Variants in SLC14A2 observed in about 807,000 individuals in gnomAD.
SLC14A2 encodes solute carrier family 14 member 2.
Under a neutral mutation model 104.6 loss-of-function variants are expected in SLC14A2, and 91 were observed. That is an observed-to-expected ratio of 0.87 (90% CI 0.73 to 1.04). The LOEUF (loss-of-function observed/expected upper bound fraction) is 1.04, where lower values mean the gene tolerates loss of function less well. SLC14A2 is among the 50% of genes least tolerant of loss of function. SLC14A2 has a pLI of 0.00. For missense variants in SLC14A2, 1,189 were observed against 1,156.0 expected (o/e 1.03, Z -0.41); for synonymous variants, 476 against 466.4 (o/e 1.02, Z -0.27).
At chr18:45,181,310 G>A in the SLC14A2 span, 1 of 152,122 alleles carries the variant, frequency 6.6e-6, no homozygotes. Flanking sequence ...CACTCTATGG[G>A]GTAACCTGCT....
chr18:45,591,477 G>A (rs1400769453), intron 2 of SLC14A2, among the ~76,000 whole-genome samples: 1 of 152,098 alleles, frequency 6.6e-6, no homozygotes, highest in Non-Finnish European at 1.5e-5. Context: ...TGGGATTACA[G>A]GTGCCCACCA....
At chr18:45,600,049 A>C (rs1250381966) in intron 2 of SLC14A2, among the ~76,000 whole-genome samples, 2 of 152,130 alleles carry the variant, frequency 1.3e-5, no homozygotes, top group African/African-American at 2.4e-5. Context: ...GTACTTGCTC[A>C]TCTGATCCCC....
chr18:45,650,533 G>T (rs1479287741), intron 10 of SLC14A2, among the ~76,000 whole-genome samples: 1 of 152,088 alleles, frequency 6.6e-6, no homozygotes, highest in Non-Finnish European at 1.5e-5. Flanking sequence ...AGAAGACATC[G>T]CATGAGAAAC....
intron 1 of SLC14A2, among the ~76,000 whole-genome samples, chr18:45,275,676 G>GA (rs1442774524): frequency 1.3e-5 from 2 of 152,140 alleles, no homozygotes; most frequent in African/African-American, 4.8e-5. Flanking sequence ...GACTTCCCCT[G>GA]AAAGTACTAT....
chr18:45,414,749 AAAAAAAAAAT>A (rs1362356958), intron 1 of SLC14A2, among the ~76,000 whole-genome samples: 10 of 61,006 alleles, frequency 1.6e-4, no homozygotes, highest in African/African-American at 7.6e-4. Context: ...GAGCGTAAAA[AAAAAAAAAAT>A]ATATATATAT....
At chr18:45,600,395 C>G (rs1382973889) in intron 2 of SLC14A2, among the ~76,000 whole-genome samples, 2 of 152,150 alleles carry the variant, frequency 1.3e-5, no homozygotes, top group Non-Finnish European at 2.9e-5. Flanking sequence ...CACCAGCCAT[C>G]AGACTGACCT....
At chr18:45,201,533 C>G in the SLC14A2 span, among the ~76,000 whole-genome samples, 1 of 145,182 alleles carries the variant, frequency 6.9e-6, no homozygotes, top group Admixed American at 7.3e-5. Flanking sequence ...TCTAACACCT[C>G]CATGTATGTA....
rs527722610 is a variant in SLC14A2 at position 45,568,196 on chromosome 18, C to T, written c.-34-56435C>T. On this transcript the variant is annotated intron_variant, in intron 2 of 20. Coordinates refer to the SLC14A2 transcript ENST00000586448. ...CCTGAGGGATCCTTCACTCCCACTG[C>T]CATCCCCAGCAGGCTTGTGCCTTGC... Among the ~76,000 whole-genome samples, 126 of 152,348 alleles carry T rather than the reference C, an allele frequency of 8.3e-4. 1 individual carries two copies. Among genetic ancestry groups the T allele is most frequent in the African/African-American group, 2.9e-3 (120 of 41,582 alleles).
At position 45,683,108 on chromosome 18, in the gene SLC14A2, G is replaced by A. The variant is rs7229969; in HGVS notation, c.*589G>A. The A allele has an allele frequency of 0.81, 116,674 of 143,240 alleles. 46,183 individuals are homozygous for A. Among genetic ancestry groups the A allele is most frequent in the Non-Finnish European group, 0.86 (57,033 of 66,346 alleles). The allele number at this position is 143,240 out of a possible 1,614,324, so 8.9% of individuals were successfully genotyped here. ...GACTCTGTCTCAAAAAAAAAAAAAA[G>A]GGGAAGTCACCAAGAAAGGGATAGA... is the stretch of plus-strand genomic sequence containing the variant. On this transcript the variant is annotated 3_prime_UTR_variant, in exon 20 of 20. Transcript: ENST00000255226.
chr18:45,616,408 T>A (rs2045073213), intron 1 of SLC14A2, among the ~76,000 whole-genome samples: 1 of 152,358 alleles, frequency 6.6e-6, no homozygotes, highest in South Asian at 2.1e-4. Flanking sequence ...TCCAGAAAAC[T>A]GTGCTTCTCA....
chr18:45,576,272 CTTTTT>C (rs776335445), intron 2 of SLC14A2, among the ~76,000 whole-genome samples: 3 of 90,682 alleles, frequency 3.3e-5, no homozygotes, highest in Non-Finnish European at 4.2e-5. Context: ...GGAGCAGGGG[CTTTTT>C]TTTTTTTTTT....
intron 2 of SLC14A2, among the ~76,000 whole-genome samples, chr18:45,530,703 TTTA>T (rs765537357): frequency 2.0e-5 from 3 of 152,096 alleles, no homozygotes; most frequent in Admixed American, 6.6e-5. Context: ...TTTCTATTTT[TTTA>T]TTATTATTAT....
chr18:45,555,885 G>C (rs1260065154), intron 2 of SLC14A2, among the ~76,000 whole-genome samples: 2 of 152,168 alleles, frequency 1.3e-5, no homozygotes, highest in Non-Finnish European at 2.9e-5. Flanking sequence ...GTGCCAGACT[G>C]CCTGCCCAAT....
intron 2 of SLC14A2, among the ~76,000 whole-genome samples, chr18:45,606,734 T>TA (rs781251287): frequency 2.3e-3 from 173 of 76,612 alleles, no homozygotes; most frequent in South Asian, 4.3e-3. Context: ...AAAGTCTAAT[T>TA]AAAAAAAAAA....
At chr18:45,448,710 G>A (rs571405205) in intron 1 of SLC14A2, among the ~76,000 whole-genome samples, 2 of 152,188 alleles carry the variant, frequency 1.3e-5, no homozygotes, top group South Asian at 2.1e-4. Context: ...TCTTCTCTGG[G>A]TGCATATCTC....
At chr18:45,655,590 A>G (rs1216061552) in intron 10 of SLC14A2, among the ~76,000 whole-genome samples, 1 of 151,736 alleles carries the variant, frequency 6.6e-6, no homozygotes, top group Non-Finnish European at 1.5e-5. Context: ...TGCTGGGATC[A>G]ATTAGCTACG....
intron 1 of SLC14A2, among the ~76,000 whole-genome samples, chr18:45,478,405 T>G (rs1032603512): frequency 6.6e-6 from 1 of 152,234 alleles, no homozygotes; most frequent in African/African-American, 2.4e-5. Flanking sequence ...CACTGAGAGC[T>G]GCAGACTGGA....
chr18:45,423,090 A>G (rs547473004), intron 1 of SLC14A2, among the ~76,000 whole-genome samples: 3 of 152,284 alleles, frequency 2.0e-5, no homozygotes, highest in African/African-American at 7.2e-5. Context: ...AAAAACAGTA[A>G]TTGATGGTAT....
At chr18:45,354,398 G>A (rs763444372) in intron 1 of SLC14A2, among the ~76,000 whole-genome samples, 1 of 152,200 alleles carries the variant, frequency 6.6e-6, no homozygotes, top group South Asian at 2.1e-4. Context: ...TGGCAGCAGG[G>A]GTGGCTGTGA....
Sources: gnomAD v4.1 joint callset for allele counts (sites outside exome capture counted in the v4.1 genomes callset) on GRCh38, gnomAD v4.1.1 for gene constraint, MANE v1.5 for transcripts, NCBI Gene and HGNC (gene_info 2026-07-23, HGNC 2026-07-21) for gene names.